Variants in NTAQ1 observed in about 807,000 individuals in gnomAD.
The protein encoded by NTAQ1 is N-terminal glutamine amidase 1.
Under a neutral mutation model 28.2 loss-of-function variants are expected in NTAQ1, and 21 were observed. The ratio of observed to expected loss-of-function variants is 0.74; its 90% CI spans 0.53 to 1.07. The LOEUF (loss-of-function observed/expected upper bound fraction) is 1.07. NTAQ1 is among the 50% of genes least tolerant of loss of function. The pLI, the probability that NTAQ1 is intolerant of heterozygous loss-of-function variation, is 0.00. For missense variants in NTAQ1, 264 were observed against 256.6 expected (o/e 1.03, Z -0.20); for synonymous variants, 105 against 90.0 (o/e 1.17, Z -0.94).
At chr8:123,473,913 T>C (rs1426741798), downstream of NTAQ1, among the ~76,000 whole-genome samples, 1 of 152,202 alleles carries the variant, frequency 6.6e-6, no homozygotes, top group East Asian at 1.9e-4. Flanking sequence ...AGTTTTTTTT[T>C]TAAATTGCAT....
At chr8:123,448,634 A>T (rs1013857816), downstream of NTAQ1, among the ~76,000 whole-genome samples, 1 of 152,130 alleles carries the variant, frequency 6.6e-6, no homozygotes, top group African/African-American at 2.4e-5. Context: ...GAATAAGAAG[A>T]ATTTGTGGTG....
At chr8:123,436,240 A>G (rs1250066049) in intron 3 of NTAQ1, among the ~76,000 whole-genome samples, 2 of 150,998 alleles carry the variant, frequency 1.3e-5, no homozygotes, top group African/African-American at 4.9e-5. Context: ...TTTAATGACT[A>G]TGAACATTTC....
chr8:123,456,943 C>T (rs1815666265), intron 6 of NTAQ1, among the ~76,000 whole-genome samples: 1 of 152,156 alleles, frequency 6.6e-6, no homozygotes, highest in African/African-American at 2.4e-5. Flanking sequence ...CTCATTGTAG[C>T]TGTGGGCATA....
chr8:123,426,394 G>GCA (rs1586933503), intron 1 of NTAQ1, among the ~76,000 whole-genome samples: 2 of 152,330 alleles, frequency 1.3e-5, no homozygotes, highest in Non-Finnish European at 2.9e-5. Context: ...AGAAGGCCAG[G>GCA]CACAGTGGCT....
intron 6 of NTAQ1, among the ~76,000 whole-genome samples, chr8:123,453,100 G>A (rs1815551504): frequency 6.6e-6 from 1 of 152,158 alleles, no homozygotes; most frequent in African/African-American, 2.4e-5. Context: ...TCTGGCACAC[G>A]CTGTTTCTGC....
intron 1 of NTAQ1, among the ~76,000 whole-genome samples, chr8:123,425,464 C>G (rs1813993529): frequency 6.6e-6 from 1 of 151,366 alleles, no homozygotes; most frequent in Non-Finnish European, 1.5e-5. Context: ...ATCTTCCCAC[C>G]CCCCCACTTT....
chr8:123,463,773 G>A (rs1586972466), intron 6 of NTAQ1, among the ~76,000 whole-genome samples: 1 of 152,190 alleles, frequency 6.6e-6, no homozygotes, highest in East Asian at 1.9e-4. Flanking sequence ...GAACTGTGAT[G>A]CAATCCCTAC....
In NTAQ1 at chr8:123,437,377, C is replaced by T. The variant is rs776471823; in HGVS notation, c.508+43C>T. ...CTCAGATGGGGGTTCTGATTGATCA[C>T]ATACACATCAGCATTTTTCCTTAAC... On this transcript the variant is annotated intron_variant, in intron 5 of 5. Coordinates refer to ENST00000287387, the MANE Select transcript of NTAQ1 (RefSeq NM_018024.3). The T allele has an allele frequency of 1.0e-5, 16 of 1,606,202 alleles. No homozygotes were observed. In the East Asian group the frequency reaches 3.4e-4, roughly 34 times the overall value.
At chr8:123,475,549 A>G in the NTAQ1 span, among the ~76,000 whole-genome samples, 2 of 152,226 alleles carry the variant, frequency 1.3e-5, no homozygotes, top group Admixed American at 6.5e-5. Flanking sequence ...AAAATTATAC[A>G]TATGTTATAA....
rs537941478 is a variant in NTAQ1, at chr8:123,424,076, T to C, written c.84-3848T>C. ...TTTGTGTTTTTATTTTTATGCGTTT[T>C]TTTTTTTTTTTTTTGAGATGAAGTC... On this transcript the variant is annotated intron_variant, in intron 1 of 5. Coordinates refer to ENST00000287387, the MANE Select transcript of NTAQ1 (RefSeq NM_018024.3). Among the ~76,000 whole-genome samples, 53 of 138,958 alleles carry C rather than the reference T, an allele frequency of 3.8e-4. 1 individual carries two copies. Among genetic ancestry groups the C allele is most frequent in the African/African-American group, 1.4e-3 (53 of 37,666 alleles). 91.2% of individuals were successfully genotyped at this position (138,958 alleles called of 152,430 possible). A position where few individuals can be genotyped will look rare whatever the true frequency, so the allele number is the denominator to read the frequency against.
downstream of NTAQ1, among the ~76,000 whole-genome samples, chr8:123,474,614 C>T (rs148977506): frequency 5.3e-4 from 80 of 152,262 alleles, 1 homozygote; most frequent in African/African-American, 1.6e-3. Context: ...TTTAAAACTA[C>T]GCAAATATTG....
chr8:123,439,036 T>A (rs1396313487), intron 5 of NTAQ1, among the ~76,000 whole-genome samples: 5 of 152,178 alleles, frequency 3.3e-5, no homozygotes, highest in Admixed American at 3.3e-4. Context: ...ATCGCAGGCA[T>A]TTAGTGAACC....
At position 123,435,495 on chromosome 8, in the gene NTAQ1, G is replaced by A. The variant is rs1172507318; in HGVS notation, c.235-958G>A. 9 of 985,258 alleles carry A rather than the reference G, an allele frequency of 9.1e-6. No individual in the cohort carries two copies. The South Asian group carries it at 1.4e-4, about 15-fold the overall frequency. 61.0% of individuals were successfully genotyped at this position (985,258 alleles called of 1,614,324 possible). On this transcript the variant is annotated intron_variant, in intron 3 of 5. Coordinates refer to ENST00000287387, the MANE Select transcript of NTAQ1 (RefSeq NM_018024.3). ...TAGTTTGGAGCAGATCCTTGCAGACGTTTTCCTCTGCATTCACATGCATGC... is the reference window on the plus strand; with the variant it reads ...TAGTTTGGAGCAGATCCTTGCAGACATTTTCCTCTGCATTCACATGCATGC...
intron 6 of NTAQ1, among the ~76,000 whole-genome samples, chr8:123,456,949 G>C (rs1281398173): frequency 1.3e-5 from 2 of 152,136 alleles, no homozygotes; most frequent in African/African-American, 4.8e-5. Flanking sequence ...GTAGCTGTGG[G>C]CATAACAACA....
At chr8:123,417,045 C>A in intron 1 of NTAQ1, 113 bp downstream of exon 1, 2 of 1,104,104 alleles carry the variant, frequency 1.8e-6, no homozygotes, top group South Asian at 1.9e-5. Context: ...CCTCTACCGG[C>A]GGGTTCTACA....
chr8:123,455,362 G>A (rs1242687438), intron 6 of NTAQ1, among the ~76,000 whole-genome samples: 1 of 151,838 alleles, frequency 6.6e-6, no homozygotes, highest in Non-Finnish European at 1.5e-5. Context: ...TGTTTCCAGC[G>A]AGGACCTGTA....
chr8:123,423,218 T>C (rs1355302011), intron 1 of NTAQ1, among the ~76,000 whole-genome samples: 1 of 145,220 alleles, frequency 6.9e-6, no homozygotes, highest in African/African-American at 2.5e-5. Flanking sequence ...CTCCCTCCCT[T>C]CCTTCCTTCC....
At chr8:123,438,789 C>T (rs373514248) in intron 5 of NTAQ1, among the ~76,000 whole-genome samples, 2 of 152,072 alleles carry the variant, frequency 1.3e-5, no homozygotes, top group Non-Finnish European at 2.9e-5. Context: ...TTTTGAGGCT[C>T]TCTATGAAAA....
At chr8:123,449,911 A>G (rs58649302), downstream of NTAQ1, among the ~76,000 whole-genome samples, 38 of 88,238 alleles carry the variant, frequency 4.3e-4, 2 homozygotes, top group African/African-American at 1.5e-3. Context: ...ATATGTATAT[A>G]TGTGTGTGTA....
Sources: gnomAD v4.1 joint callset for allele counts (sites outside exome capture counted in the v4.1 genomes callset) on GRCh38, gnomAD v4.1.1 for gene constraint, MANE v1.5 for transcripts, NCBI Gene and HGNC (gene_info 2026-07-23, HGNC 2026-07-21) for gene names.